CTNNA3: variants seen among roughly 807,000 people sequenced by gnomAD.
The protein encoded by CTNNA3 is catenin alpha 3, also known as catenin alpha-3.
A neutral mutation model predicts 95.7 loss-of-function variants in CTNNA3; 76 were observed. The observed-to-expected ratio is 0.79, with a 90% CI of 0.66 to 0.96. The LOEUF (loss-of-function observed/expected upper bound fraction) is 0.96, where lower values mean the gene tolerates loss of function less well. Among genes scored for constraint, CTNNA3 ranks in the 40% least tolerant of loss-of-function variants. The pLI, the probability that CTNNA3 is intolerant of heterozygous loss-of-function variation, is 0.00. For synonymous variants in CTNNA3, 431 were observed against 374.4 expected (o/e 1.15, Z -1.74); for missense variants, 1,191 against 1,089.8 (o/e 1.09, Z -1.31).
chr10:66,542,222 T>C (rs1302489362), intron 10 of CTNNA3, among the ~76,000 whole-genome samples: 1 of 151,996 alleles, frequency 6.6e-6, no homozygotes, highest in Non-Finnish European at 1.5e-5. Flanking sequence ...TGGCAATCAT[T>C]AAAAAATCAG....
chr10:65,926,081 A>T (rs981975650), intron 17 of CTNNA3, among the ~76,000 whole-genome samples: 1 of 150,182 alleles, frequency 6.7e-6, no homozygotes, highest in African/African-American at 2.4e-5. Flanking sequence ...TAGATTACAT[A>T]CATGTTAAAT....
intron 11 of CTNNA3, among the ~76,000 whole-genome samples, chr10:66,435,175 TATG>T (rs1465825149): frequency 6.6e-6 from 1 of 151,892 alleles, no homozygotes; most frequent in Non-Finnish European, 1.5e-5. Flanking sequence ...TGAGTTATTT[TATG>T]ATAATTTCTT....
At position 66,600,214 on chromosome 10, in the gene CTNNA3, T is replaced by C. The variant is rs1843871733; in HGVS notation, c.1374+21478A>G. 1.3e-5 allele frequency among the ~76,000 whole-genome samples: 2 copies of C among 151,876 alleles called. 1 individual carries two copies. Among genetic ancestry groups the C allele is most frequent in the Non-Finnish European group, 2.9e-5 (2 of 67,830 alleles). ...CGATATTCAGAAAAATGGTTTTTCATGATAGTAAATTATTTAAAAATTAGG... is the reference window on the plus strand; with the variant it reads ...CGATATTCAGAAAAATGGTTTTTCACGATAGTAAATTATTTAAAAATTAGG... On this transcript the variant is annotated intron_variant, in intron 10 of 17. Coordinates refer to ENST00000433211, the MANE Select transcript of CTNNA3 (RefSeq NM_013266.4).
intron 7 of CTNNA3, among the ~76,000 whole-genome samples, chr10:66,810,216 C>T (rs763582317): frequency 5.3e-5 from 8 of 152,168 alleles, no homozygotes; most frequent in East Asian, 1.9e-4. Context: ...AGAATATAGC[C>T]TATTTTAAGC....
At chr10:67,016,767 C>T (rs955505517) in intron 7 of CTNNA3, among the ~76,000 whole-genome samples, 1 of 152,126 alleles carries the variant, frequency 6.6e-6, no homozygotes, top group African/African-American at 2.4e-5. Context: ...AGTTGTGAGG[C>T]TTCCTTGCTT....
At chr10:67,149,876 A>G (rs1001961933) in intron 7 of CTNNA3, among the ~76,000 whole-genome samples, 3 of 152,252 alleles carry the variant, frequency 2.0e-5, no homozygotes, top group African/African-American at 7.2e-5. Flanking sequence ...GCATTTTGAT[A>G]ATGTTTTTCG....
In CTNNA3 at chr10:66,832,434, T is replaced by G. The variant is rs1589307045; in HGVS notation, c.1048-56910A>C. Among the ~76,000 whole-genome samples, 6 of 152,216 alleles carry G rather than the reference T, an allele frequency of 3.9e-5. No individual in the cohort carries two copies. The South Asian group carries it at 1.2e-3, about 32-fold the overall frequency. On this transcript the variant is annotated intron_variant, in intron 7 of 17. Transcript: ENST00000433211. ...GGAAAATTTGAAGTTCCGGAAAAAG[T>G]TCTTAAGGCACACCAGTTAAGAAAA...
chr10:67,051,632 T>C (rs1191996368), intron 7 of CTNNA3, among the ~76,000 whole-genome samples: 2 of 151,984 alleles, frequency 1.3e-5, no homozygotes, highest in African/African-American at 4.8e-5. Flanking sequence ...TCTTGATCTT[T>C]TGACCTCATG....
chr10:65,935,627 G>A (rs2077324826), intron 17 of CTNNA3, among the ~76,000 whole-genome samples: 1 of 152,090 alleles, frequency 6.6e-6, no homozygotes, highest in South Asian at 2.1e-4. Flanking sequence ...ATGTTTTATA[G>A]CTTTTAATTA....
chr10:67,653,125 A>G (rs1839924332), intron 1 of CTNNA3, among the ~76,000 whole-genome samples: 1 of 152,218 alleles, frequency 6.6e-6, no homozygotes, highest in Admixed American at 6.5e-5. Context: ...GCTTTTACTC[A>G]TGGCAGAAGG....
chr10:67,694,760 A>G (rs1840932354), intron 1 of CTNNA3, among the ~76,000 whole-genome samples: 1 of 152,048 alleles, frequency 6.6e-6, no homozygotes, highest in African/African-American at 2.4e-5. Flanking sequence ...GCCATCTAGA[A>G]AAAAAAAGAC....
rs1289144367 is a variant in CTNNA3, at chr10:67,453,624, G to A, written c.579+68218C>T. Among the ~76,000 whole-genome samples the A allele has an allele frequency of 2.0e-5, 3 of 152,096 alleles. No individual in the cohort carries two copies. In the East Asian group the frequency reaches 5.8e-4, roughly 29 times the overall value. ...CCAGATGATGCATCCATTTGGAAAAGAAAAGAAAACAAGGCAACTACTTCA... is the reference window on the plus strand; with the variant it reads ...CCAGATGATGCATCCATTTGGAAAAAAAAAGAAAACAAGGCAACTACTTCA... On this transcript the variant is annotated intron_variant, in intron 5 of 17. Coordinates refer to ENST00000433211, the MANE Select transcript of CTNNA3 (RefSeq NM_013266.4).
At chr10:67,126,712 G>A (rs938322731) in intron 7 of CTNNA3, among the ~76,000 whole-genome samples, 9 of 152,210 alleles carry the variant, frequency 5.9e-5, no homozygotes, top group African/African-American at 2.2e-4. Flanking sequence ...GAGATAGGTG[G>A]TGGTTGAGAA....
intron 7 of CTNNA3, among the ~76,000 whole-genome samples, chr10:66,958,918 G>A (rs566041977): frequency 1.0e-3 from 156 of 152,236 alleles, no homozygotes; most frequent in African/African-American, 3.4e-3. Context: ...TTATAGGTCA[G>A]ATATCATTTA....
At chr10:67,191,121 T>C (rs908273540) in intron 6 of CTNNA3, among the ~76,000 whole-genome samples, 1 of 152,044 alleles carries the variant, frequency 6.6e-6, no homozygotes, top group Middle Eastern at 3.2e-3. Flanking sequence ...ATAAAAACTC[T>C]AATTCACTGC....
intron 13 of CTNNA3, among the ~76,000 whole-genome samples, chr10:66,104,814 G>A (rs1420114684): frequency 1.3e-5 from 2 of 152,182 alleles, no homozygotes; most frequent in Non-Finnish European, 2.9e-5. Flanking sequence ...GACTAGCTCT[G>A]GTTTGCCTTA....
intron 2 of CTNNA3, among the ~76,000 whole-genome samples, chr10:67,635,088 C>G (rs1020765019): frequency 6.6e-6 from 1 of 151,916 alleles, no homozygotes; most frequent in Non-Finnish European, 1.5e-5. Flanking sequence ...GGATAAACTC[C>G]TGGACACATA....
chr10:67,357,824 C>T (rs1269980432), intron 5 of CTNNA3, among the ~76,000 whole-genome samples: 1 of 151,772 alleles, frequency 6.6e-6, no homozygotes, highest in African/African-American at 2.4e-5. Flanking sequence ...AAAGAAGAGC[C>T]AAAACAATGC....
chr10:66,913,058 T>C (rs1427532277), intron 7 of CTNNA3, among the ~76,000 whole-genome samples: 1 of 151,072 alleles, frequency 6.6e-6, no homozygotes, highest in Non-Finnish European at 1.5e-5. Flanking sequence ...GTTAACACGG[T>C]GAAACCCCGT....
Sources: gnomAD v4.1 joint callset for allele counts (sites outside exome capture counted in the v4.1 genomes callset) on GRCh38, gnomAD v4.1.1 for gene constraint, MANE v1.5 for transcripts, NCBI Gene and HGNC (gene_info 2026-07-23, HGNC 2026-07-21) for gene names.